Variants in ANKS1B observed in about 807,000 individuals in gnomAD.
ANKS1B encodes ankyrin repeat and sterile alpha motif domain containing 1B, also known as ankyrin repeat and sterile alpha motif domain-containing protein 1B.
ANKS1B carries 36 observed loss-of-function variants against 148.3 expected under a neutral mutation model. That is an observed-to-expected ratio of 0.24 (90% CI 0.19 to 0.32). ANKS1B has a LOEUF of 0.32. ANKS1B is among the 10% of genes least tolerant of loss of function. The pLI, the probability that ANKS1B is intolerant of heterozygous loss-of-function variation, is 1.00. For missense variants in ANKS1B, 1,157 were observed against 1,542.6 expected, an observed-to-expected ratio of 0.75 and a Z score of 4.19; for synonymous variants, 542 against 560.8, an observed-to-expected ratio of 0.97 and a Z score of 0.47.
chr12:99,751,163 A>G (rs2061071153), intron 8 of ANKS1B, among the ~76,000 whole-genome samples: 1 of 152,024 alleles, frequency 6.6e-6, no homozygotes, highest in Non-Finnish European at 1.5e-5. Context: ...ACTTTCTTTA[A>G]CATTTAATTA....
chr12:99,620,627 A>G (rs2153371570), intron 9 of ANKS1B, among the ~76,000 whole-genome samples: 1 of 152,278 alleles, frequency 6.6e-6, no homozygotes, highest in African/African-American at 2.4e-5. Flanking sequence ...AAGCTTCACC[A>G]ATTGACTCGA....
At chr12:99,709,602 C>T (rs1043670063) in intron 8 of ANKS1B, among the ~76,000 whole-genome samples, 1 of 152,002 alleles carries the variant, frequency 6.6e-6, no homozygotes, top group African/African-American at 2.4e-5. Flanking sequence ...ATAGCTAGAC[C>T]CACATTTTTT....
At chr12:99,845,740 C>T (rs1433813066) in intron 1 of ANKS1B, among the ~76,000 whole-genome samples, 4 of 151,966 alleles carry the variant, frequency 2.6e-5, no homozygotes, top group Admixed American at 2.6e-4. Flanking sequence ...CCTCATAGAA[C>T]GAGGTAGGGA....
At chr12:99,641,613 C>A (rs1181363490) in intron 9 of ANKS1B, among the ~76,000 whole-genome samples, 6 of 152,096 alleles carry the variant, frequency 3.9e-5, no homozygotes, top group African/African-American at 1.2e-4. Flanking sequence ...ACTTATCAAA[C>A]CATCATTTTT....
chr12:99,874,105 A>C (rs1468722917), intron 1 of ANKS1B, among the ~76,000 whole-genome samples: 1 of 151,686 alleles, frequency 6.6e-6, no homozygotes, highest in Non-Finnish European at 1.5e-5. Flanking sequence ...ATACAAGTAG[A>C]AAACACTACC....
chr12:99,627,534 A>G (rs1208985524), intron 9 of ANKS1B, among the ~76,000 whole-genome samples: 1 of 152,204 alleles, frequency 6.6e-6, no homozygotes, highest in Non-Finnish European at 1.5e-5. Flanking sequence ...ATTAGTACCC[A>G]GACTGCCAAA....
intron 14 of ANKS1B, among the ~76,000 whole-genome samples, chr12:99,213,971 T>A (rs1175434433): frequency 6.6e-6 from 1 of 152,184 alleles, no homozygotes; most frequent in Non-Finnish European, 1.5e-5. Context: ...CAGAGGACAA[T>A]ACTGTGTGGA....
intron 8 of ANKS1B, among the ~76,000 whole-genome samples, chr12:99,705,106 T>C (rs771951294): frequency 1.3e-5 from 2 of 152,082 alleles, no homozygotes; most frequent in African/African-American, 4.8e-5. Context: ...TCTGAAAGAA[T>C]AGGTGAATAA....
rs1176204682 is a variant in ANKS1B at position 99,504,636 on chromosome 12, G to A, written c.1278C>T (p.Ser426=). Residue 426 remains serine (S), a synonymous_variant, in exon 10 of 27, where the codon TCC becomes TCT. Coordinates refer to ENST00000683438, the MANE Select transcript of ANKS1B (RefSeq NM_001352186.2). ...TAGTGTAATTTCTCTTCTTTGGATA[G>A]GACTCCTGAAAAGAAGAAAAAATAA... ...NLGFPMLAQE[S]YPKKRNYTME... 2 of 1,558,884 alleles carry A rather than the reference G, an allele frequency of 1.3e-6. No homozygotes were observed. The highest frequency in any genetic ancestry group is 1.7e-6 in the Non-Finnish European group (2 of 1,153,084).
chr12:98,835,265 T>C (rs746121465), intron 17 of ANKS1B, among the ~76,000 whole-genome samples: 1 of 151,922 alleles, frequency 6.6e-6, no homozygotes, highest in Non-Finnish European at 1.5e-5. Flanking sequence ...TTTTCTCACA[T>C]ATAAAGTGAA....
At chr12:98,747,443 G>A (rs967623895) in intron 26 of ANKS1B, among the ~76,000 whole-genome samples, 2 of 152,088 alleles carry the variant, frequency 1.3e-5, no homozygotes, top group African/African-American at 4.8e-5. Flanking sequence ...GTATCAAAAA[G>A]ACAAAAACTA....
chr12:99,236,960 G>A (rs558960442), intron 14 of ANKS1B, among the ~76,000 whole-genome samples: 1 of 152,206 alleles, frequency 6.6e-6, no homozygotes. Flanking sequence ...AGGATGGAGG[G>A]TGGGAGGAGG....
At chr12:98,850,381 T>C (rs58046025) in intron 17 of ANKS1B, among the ~76,000 whole-genome samples, 6,558 of 151,784 alleles carry the variant, frequency 0.043, 218 homozygotes, top group Admixed American at 0.1. Flanking sequence ...GGATAAAAAT[T>C]TGGGCAGATG....
At chr12:99,500,231 G>C (rs2096642315) in intron 10 of ANKS1B, among the ~76,000 whole-genome samples, 1 of 152,128 alleles carries the variant, frequency 6.6e-6, no homozygotes, top group African/African-American at 2.4e-5. Context: ...ACCAGAACCT[G>C]ACCATGCCAG....
At chr12:99,776,949 C>T (rs924474764) in intron 6 of ANKS1B, among the ~76,000 whole-genome samples, 12 of 152,094 alleles carry the variant, frequency 7.9e-5, no homozygotes, top group African/African-American at 2.9e-4. Flanking sequence ...TCCCAAAGTG[C>T]TGGGATTACA....
chr12:99,207,458 C>T (rs911430355), intron 14 of ANKS1B, among the ~76,000 whole-genome samples: 4 of 152,010 alleles, frequency 2.6e-5, no homozygotes, highest in African/African-American at 7.2e-5. Flanking sequence ...AAAATGTATA[C>T]ACTTTGATAT....
chr12:99,965,314 A>C (rs148393818), intron 1 of ANKS1B, among the ~76,000 whole-genome samples: 1 of 152,338 alleles, frequency 6.6e-6, no homozygotes, highest in Non-Finnish European at 1.5e-5. Flanking sequence ...GAGATAATTT[A>C]AGCATCAAAA....
intron 1 of ANKS1B, among the ~76,000 whole-genome samples, chr12:99,880,929 A>G (rs2092441052): frequency 6.6e-6 from 1 of 152,230 alleles, no homozygotes; most frequent in Admixed American, 6.5e-5. Flanking sequence ...CTTAGCCAGA[A>G]TTTAACAAAA....
intron 15 of ANKS1B, among the ~76,000 whole-genome samples, chr12:99,131,292 A>G (rs531044973): frequency 1.3e-5 from 2 of 152,274 alleles, no homozygotes; most frequent in African/African-American, 4.8e-5. Context: ...TGCTTTCTTA[A>G]CTTACTTAAT....
Sources: gnomAD v4.1 joint callset for allele counts (sites outside exome capture counted in the v4.1 genomes callset) on GRCh38, gnomAD v4.1.1 for gene constraint, MANE v1.5 for transcripts, NCBI Gene and HGNC (gene_info 2026-07-23, HGNC 2026-07-21) for gene names.